The following CDH18 variants were observed in gnomAD, a reference collection of about 807,000 sequenced individuals.
CDH18 encodes the protein cadherin 18, also known as cadherin-18.
A neutral mutation model predicts 67.9 loss-of-function variants in CDH18; 31 were observed. That is an observed-to-expected ratio of 0.46 (90% CI 0.34 to 0.62). The LOEUF (loss-of-function observed/expected upper bound fraction) is 0.62, where lower values mean the gene tolerates loss of function less well. Ranked by LOEUF, CDH18 falls within the 20% of genes least tolerant of loss-of-function variation. CDH18 has a pLI of 0.01. For missense variants in CDH18, 890 were observed against 975.5 expected (o/e 0.91, Z 1.17); for synonymous variants, 362 against 347.2 (o/e 1.04, Z -0.48).
At chr5:20,043,131 A>G (rs1740596084) in intron 2 of CDH18, among the ~76,000 whole-genome samples, 1 of 152,090 alleles carries the variant, frequency 6.6e-6, no homozygotes. Context: ...GCTATTACCC[A>G]CTAAATGACA....
intron 2 of CDH18, among the ~76,000 whole-genome samples, chr5:20,189,754 T>C (rs1444934423): frequency 6.6e-6 from 1 of 152,164 alleles, no homozygotes; most frequent in African/African-American, 2.4e-5. Flanking sequence ...TGTCCGGTGT[T>C]GAATTTTTTA....
At chr5:20,101,333 A>G (rs1746447702) in intron 2 of CDH18, among the ~76,000 whole-genome samples, 1 of 152,220 alleles carries the variant, frequency 6.6e-6, no homozygotes, top group African/African-American at 2.4e-5. Context: ...TTCTGCAACC[A>G]ATAAGAATCA....
At chr5:20,355,112 C>T (rs764083920) in intron 1 of CDH18, among the ~76,000 whole-genome samples, 7 of 152,204 alleles carry the variant, frequency 4.6e-5, no homozygotes, top group Non-Finnish European at 2.9e-5. Context: ...TTCTCCCAGA[C>T]ATCTCCAGCT....
intron 1 of CDH18, among the ~76,000 whole-genome samples, chr5:20,492,373 T>C (rs890075376): frequency 9.9e-5 from 15 of 152,162 alleles, no homozygotes; most frequent in African/African-American, 3.6e-4. Flanking sequence ...AAATTTGCAG[T>C]TATTTCTTTC....
intron 1 of CDH18, among the ~76,000 whole-genome samples, chr5:20,477,018 C>T (rs963270408): frequency 6.6e-6 from 1 of 152,016 alleles, no homozygotes; most frequent in Non-Finnish European, 1.5e-5. Flanking sequence ...ATCGAGATTA[C>T]AGAGTTTTAG....
intron 1 of CDH18, among the ~76,000 whole-genome samples, chr5:19,986,301 A>T (rs1799553019): frequency 6.6e-6 from 1 of 152,216 alleles, no homozygotes. Context: ...AATTATAATC[A>T]GTCTGCACTG....
intron 6 of CDH18, among the ~76,000 whole-genome samples, chr5:19,608,021 CAG>C (rs1227029701): frequency 1.3e-5 from 2 of 150,912 alleles, no homozygotes; most frequent in Admixed American, 6.6e-5. Context: ...AAAAATTAAA[CAG>C]AGGAAAAAAG....
intron 8 of CDH18, among the ~76,000 whole-genome samples, chr5:19,558,838 A>G (rs997723475): frequency 7.2e-5 from 11 of 151,982 alleles, no homozygotes; most frequent in Admixed American, 6.6e-4. Flanking sequence ...AAAAGGGGAC[A>G]TAACAAAAAA....
At chr5:20,320,893 A>AC (rs1420236000) in intron 1 of CDH18, among the ~76,000 whole-genome samples, 2 of 152,134 alleles carry the variant, frequency 1.3e-5, no homozygotes, top group Admixed American at 6.5e-5. Flanking sequence ...CATAGTATGT[A>AC]CAGGAGTCTT....
intron 1 of CDH18, among the ~76,000 whole-genome samples, chr5:20,271,923 G>GGA (rs1171844907): frequency 2.5e-5 from 2 of 81,348 alleles, no homozygotes; most frequent in African/African-American, 9.0e-5. Context: ...CTGTAGAGAG[G>GGA]CAGAGAGAGA....
chr5:20,148,699 G>T (rs928601936), intron 2 of CDH18, among the ~76,000 whole-genome samples: 26 of 151,940 alleles, frequency 1.7e-4, no homozygotes, highest in African/African-American at 6.0e-4. Flanking sequence ...AGTGGGTCTT[G>T]GTCTAAGGAC....
intron 1 of CDH18, among the ~76,000 whole-genome samples, chr5:20,285,255 T>A (rs1241973940): frequency 6.6e-6 from 1 of 151,240 alleles, no homozygotes; most frequent in East Asian, 1.9e-4. Flanking sequence ...CAGATAAAAT[T>A]TATTGTCTTC....
At chr5:20,572,931 A>G (rs1758891992) in intron 1 of CDH18, among the ~76,000 whole-genome samples, 2 of 152,162 alleles carry the variant, frequency 1.3e-5, no homozygotes, top group African/African-American at 4.8e-5. Flanking sequence ...ACTGAGGGTG[A>G]TGCTTACATA....
chr5:20,482,778 C>A (rs1752906937), intron 1 of CDH18, among the ~76,000 whole-genome samples: 1 of 151,862 alleles, frequency 6.6e-6, no homozygotes, highest in African/African-American at 2.4e-5. Flanking sequence ...CATACCTCAA[C>A]CAATAAAAGC....
intron 1 of CDH18, among the ~76,000 whole-genome samples, chr5:20,285,201 C>A (rs1489483271): frequency 6.6e-6 from 1 of 151,130 alleles, no homozygotes; most frequent in Non-Finnish European, 1.5e-5. Flanking sequence ...TAGAAAATTG[C>A]AATTATACTC....
chr5:20,333,783 A>G (rs1020460235), intron 1 of CDH18, among the ~76,000 whole-genome samples: 2 of 152,136 alleles, frequency 1.3e-5, no homozygotes, highest in African/African-American at 2.4e-5. Flanking sequence ...ACCTGGAAGC[A>G]TTATCTTTTC....
At position 20,077,033 on chromosome 5, in the gene CDH18, C is replaced by A. The variant is rs151193406; in HGVS notation, c.-517-85019G>T. Among the ~76,000 whole-genome samples the A allele has an allele frequency of 1.8e-3, 272 of 152,110 alleles. 1 individual carries two copies. Among genetic ancestry groups the A allele is most frequent in the African/African-American group, 6.2e-3 (257 of 41,494 alleles). On this transcript the variant is annotated intron_variant, in intron 2 of 14. Coordinates refer to the CDH18 transcript ENST00000507958. ...GTTGGTTGAATTGTGTTGTCTTTAC[C>A]ACTGAGAAAATTGGGACCATCTTCT...
chr5:20,034,144 C>G (rs746563128), intron 2 of CDH18, among the ~76,000 whole-genome samples: 4 of 151,932 alleles, frequency 2.6e-5, no homozygotes, highest in Non-Finnish European at 4.4e-5. Context: ...TGTGACTGTA[C>G]ATGAAAATGA....
chr5:20,072,438 C>T (rs966078708), intron 2 of CDH18, among the ~76,000 whole-genome samples: 1 of 151,966 alleles, frequency 6.6e-6, no homozygotes, highest in Non-Finnish European at 1.5e-5. Flanking sequence ...TAAAAATTCA[C>T]ACCTTTGAGA....
Sources: allele counts gnomAD v4.1 joint callset (sites outside exome capture counted in the v4.1 genomes callset), GRCh38; gene constraint gnomAD v4.1.1; transcripts MANE v1.5; gene names NCBI Gene and HGNC (gene_info 2026-07-23, HGNC 2026-07-21).